ADCY9: variants seen among roughly 807,000 people sequenced by gnomAD.
The protein encoded by ADCY9 is adenylate cyclase 9.
In ADCY9, 50 loss-of-function variants were observed where a neutral mutation model predicts 101.5. The observed-to-expected ratio is 0.49, with a 90% confidence interval of 0.39 to 0.62. The LOEUF (loss-of-function observed/expected upper bound fraction) is 0.62, where lower values mean the gene tolerates loss of function less well. Among genes scored for constraint, ADCY9 ranks in the 20% least tolerant of loss-of-function variants. The probability of loss-of-function intolerance (pLI) is 0.00; values close to 1 mark genes in which losing one functional copy is unlikely to be tolerated. For synonymous variants in ADCY9, 905 were observed against 769.3 expected (o/e 1.18, Z -2.92); for missense variants, 1,662 against 1,800.4 (o/e 0.92, Z 1.39).
chr16:4,012,665 G>A (rs1396715021), intron 2 of ADCY9, among the ~76,000 whole-genome samples: 3 of 152,158 alleles, frequency 2.0e-5, no homozygotes, highest in Non-Finnish European at 2.9e-5. Context: ...CCTGTCTGAC[G>A]GGGGAATTTG....
intron 2 of ADCY9, among the ~76,000 whole-genome samples, chr16:4,112,603 G>A (rs993787254): frequency 6.6e-6 from 1 of 151,876 alleles, no homozygotes; most frequent in African/African-American, 2.4e-5. Context: ...TGCCATCTCT[G>A]ATTGGAACTA....
In ADCY9 at chr16:3,978,582, G is replaced by A. The variant is rs559524043; in HGVS notation, c.2679+534C>T. Among the ~76,000 whole-genome samples, 39 of 152,322 alleles carry A rather than the reference G, an allele frequency of 2.6e-4. 1 individual carries two copies. The South Asian group carries it at 7.5e-3, about 29-fold the overall frequency. ...GAAGAAGCCACACTGGCAGGGACTC[G>A]TGCCCACCGGGGACTCCCCAGCCCG... On this transcript the variant is annotated intron_variant, in intron 8 of 10. Transcript: ENST00000294016.
downstream of ADCY9, among the ~76,000 whole-genome samples, chr16:3,958,497 G>A (rs141835396): frequency 0.012 from 1,708 of 139,288 alleles, 22 homozygotes; most frequent in African/African-American, 0.043. Flanking sequence ...CCGAGATCGC[G>A]CCATTGCACT....
At chr16:4,033,744 T>C (rs1011896411) in intron 2 of ADCY9, among the ~76,000 whole-genome samples, 8 of 152,186 alleles carry the variant, frequency 5.3e-5, no homozygotes, top group Non-Finnish European at 1.0e-4. Context: ...CGTCAGTTCA[T>C]GGACTCGACA....
At chr16:4,077,511 C>A (rs1398628990) in intron 2 of ADCY9, among the ~76,000 whole-genome samples, 1 of 151,978 alleles carries the variant, frequency 6.6e-6, no homozygotes, top group East Asian at 1.9e-4. Context: ...GGGAAAACAC[C>A]CACACACACG....
intron 2 of ADCY9, among the ~76,000 whole-genome samples, chr16:4,016,801 A>G (rs1156863192): frequency 2.0e-5 from 3 of 152,204 alleles, no homozygotes; most frequent in Non-Finnish European, 4.4e-5. Context: ...CAGAAAGCAG[A>G]TGAGTGGCTG....
At position 3,963,298 on chromosome 16, in the gene ADCY9, C is replaced by G; in HGVS notation, c.*2477G>C. 2.5e-6 allele frequency: 1 copy of G among 398,730 alleles called. No homozygotes were observed. The highest frequency in any genetic ancestry group is 4.4e-6 in the Non-Finnish European group (1 of 225,952). 24.7% of individuals were successfully genotyped at this position (398,730 alleles called of 1,614,324 possible). A position where few individuals can be genotyped will look rare whatever the true frequency, so the allele number is the denominator to read the frequency against. On this transcript the variant is annotated 3_prime_UTR_variant, in exon 11 of 11. Transcript: ENST00000294016. ...GAAGCACGACCCATGCCGTCAGCAG[C>G]CCTCGTGCCAGCTGCTTAGAAACTC...
intron 2 of ADCY9, among the ~76,000 whole-genome samples, chr16:4,018,970 T>TGTGTGTGTGTGTGTGTG (rs1555509543): frequency 5.2e-4 from 78 of 149,472 alleles, no homozygotes; most frequent in African/African-American, 1.4e-3. Flanking sequence ...TGTGTGTGTG[T>TGTGTGTGTGTGTGTGTG]TTTGTTTTGT....
intron 2 of ADCY9, among the ~76,000 whole-genome samples, chr16:4,096,170 T>C (rs1317834491): frequency 6.6e-6 from 1 of 152,168 alleles, no homozygotes; most frequent in East Asian, 1.9e-4. Context: ...TTAGTGGCTC[T>C]ATAAATCGGA....
At position 4,113,746 on chromosome 16, in the gene ADCY9, A is replaced by C. The variant is rs772928519; in HGVS notation, c.1693+4T>G. On this transcript the variant is annotated splice_donor_region_variant and intron_variant, in intron 2 of 10. Transcript: ENST00000294016. ...GGGATGCCGAGGTAAAGCAGTGCAC[A>C]TACCTTTCAACTGGTCAGCAACCAC... The C allele has an allele frequency of 6.2e-7, 1 of 1,610,412 alleles. No individual in the cohort carries two copies. The highest frequency in any genetic ancestry group is 1.1e-5 in the South Asian group (1 of 90,828).
rs545636818 is a variant in ADCY9 at position 4,007,772 on chromosome 16, C to T, written c.1694-214G>A. 3.3e-3 allele frequency among the ~76,000 whole-genome samples: 509 copies of T among 151,996 alleles called. 2 individuals carry two copies. Among genetic ancestry groups the T allele is most frequent in the Non-Finnish European group, 5.6e-3 (383 of 67,972 alleles). On this transcript the variant is annotated intron_variant, in intron 2 of 10. Transcript: ENST00000294016. ...GCCCCCGAGACACACCACTCACCCA[C>T]GTTACGTTTTCTTGGAGTAATGGCT...
intron 2 of ADCY9, among the ~76,000 whole-genome samples, chr16:4,052,483 C>G (rs1039029748): frequency 6.6e-6 from 1 of 152,174 alleles, no homozygotes; most frequent in African/African-American, 2.4e-5. Flanking sequence ...GACAGACAGA[C>G]AAACATGTCG....
chr16:4,048,747 G>A (rs1053137533), intron 2 of ADCY9, among the ~76,000 whole-genome samples: 2 of 152,070 alleles, frequency 1.3e-5, no homozygotes, highest in African/African-American at 4.8e-5. Context: ...CAGCGTGAGC[G>A]TCCACTAGAT....
intron 5 of ADCY9, among the ~76,000 whole-genome samples, chr16:3,954,261 C>T (rs867596797): frequency 2.6e-5 from 4 of 152,140 alleles, no homozygotes; most frequent in Non-Finnish European, 4.4e-5. Flanking sequence ...TCCTGGTGAA[C>T]GACGATGCTT....
chr16:3,977,476 G>A lies in ADCY9; in HGVS notation c.2828+6C>T, dbSNP rs201954088. On this transcript the variant is annotated splice_donor_region_variant and intron_variant, in intron 9 of 10. Transcript: ENST00000294016. The stretch of plus-strand genomic sequence containing the variant: ...CTGGTGCCCGCAAGCAGTGCTGGCC[G>A]CGTACCTGTCTGGGCACAGGGAGAC... 238 of 1,556,016 alleles carry A rather than the reference G, an allele frequency of 1.5e-4. No individual in the cohort carries two copies. In the East Asian group the frequency reaches 4.6e-3, roughly 30 times the overall value.
intron 2 of ADCY9, among the ~76,000 whole-genome samples, chr16:4,055,477 T>C (rs2056731487): frequency 6.6e-6 from 1 of 150,508 alleles, no homozygotes; most frequent in Admixed American, 6.6e-5. Flanking sequence ...GAGGTTGCAG[T>C]GAGTCAAGAT....
At chr16:3,996,909 G>T (rs1007885169) in intron 3 of ADCY9, among the ~76,000 whole-genome samples, 1 of 152,080 alleles carries the variant, frequency 6.6e-6, no homozygotes, top group African/African-American at 2.4e-5. Flanking sequence ...CTGTCACCCA[G>T]GCTGGAGTGC....
chr16:4,106,491 G>C (rs2057078180), intron 2 of ADCY9, among the ~76,000 whole-genome samples: 1 of 152,164 alleles, frequency 6.6e-6, no homozygotes, highest in Admixed American at 6.5e-5. Flanking sequence ...TCCCTCCAGG[G>C]ATGCTAGTTC....
At chr16:3,995,867 C>G (rs1166527728) in intron 3 of ADCY9, among the ~76,000 whole-genome samples, 1 of 151,970 alleles carries the variant, frequency 6.6e-6, no homozygotes, top group Non-Finnish European at 1.5e-5. Context: ...TGTATGCATT[C>G]AAAAAATGAA....
Sources: allele counts gnomAD v4.1 joint callset (sites outside exome capture counted in the v4.1 genomes callset), GRCh38; gene constraint gnomAD v4.1.1; transcripts MANE v1.5; gene names NCBI Gene and HGNC (gene_info 2026-07-23, HGNC 2026-07-21).